The following LCOR variants were observed in gnomAD, a reference collection of about 807,000 sequenced individuals.
LCOR encodes the protein ligand-dependent corepressor.
In LCOR, 14 loss-of-function variants were observed where a neutral mutation model predicts 64.4. The observed-to-expected ratio is 0.22, with a 90% CI of 0.14 to 0.34. LCOR has a LOEUF of 0.34. Ranked by LOEUF, LCOR falls within the 10% of genes least tolerant of loss-of-function variation. The pLI is 1.00. For missense variants in LCOR, 1,686 were observed against 1,765.3 expected, an observed-to-expected ratio of 0.96 and a Z score of 0.80; for synonymous variants, 643 against 642.5, an observed-to-expected ratio of 1.00 and a Z score of -0.01.
chr10:96,936,784 A>G (rs888379792), intron 4 of LCOR, among the ~76,000 whole-genome samples: 1 of 149,242 alleles, frequency 6.7e-6, no homozygotes, highest in Non-Finnish European at 1.5e-5. Context: ...CTTCCCCCTT[A>G]TAAGGGGGAT....
In LCOR at chr10:96,986,030, CTT is replaced by C. The variant is rs1442212609; in HGVS notation, c.*897_*898del. 4 of 166,914 alleles carry C rather than the reference CTT, an allele frequency of 2.4e-5. No homozygotes were observed. Among genetic ancestry groups the C allele is most frequent in the Non-Finnish European group, 4.4e-5 (3 of 68,096 alleles). The allele number at this position is 166,914 out of a possible 1,614,324, so 10.3% of individuals were successfully genotyped here. A position where few individuals can be genotyped will look rare whatever the true frequency, so the allele number is the denominator to read the frequency against. On this transcript the variant is annotated 3_prime_UTR_variant, in exon 8 of 8. Transcript: ENST00000421806. ...TTTGATGATTAGGATGAAAATGACT[CTT>C]ATTTTCTTTCTTACCCAGAGTACTT...
intron 7 of LCOR, chr10:96,964,110 A>C (rs1412330729): frequency 5.3e-5 from 8 of 152,172 alleles, no homozygotes; most frequent in Non-Finnish European, 7.4e-5. Flanking sequence ...ACTTATGATC[A>C]CAAATTAAGT....
chr10:96,951,218 CA>C (rs1847672690), intron 6 of LCOR, among the ~76,000 whole-genome samples: 7 of 152,036 alleles, frequency 4.6e-5, no homozygotes, highest in Admixed American at 4.6e-4. Context: ...CCAGGTATTT[CA>C]ACAAGGAGAA....
Position 96,984,744 on chromosome 10 carries a change from C to T in LCOR, c.4284C>T (p.Ala1428=). 1.9e-6 allele frequency: 3 copies of T among 1,613,592 alleles called. No individual in the cohort carries two copies. The highest frequency in any genetic ancestry group is 2.5e-6 in the Non-Finnish European group (3 of 1,179,906). ...GCAAAGAAAAGCATGCTGATGGAGCCACCAAAACCCCTGCTGCCAAGAGGC... is the reference window on the plus strand; with the variant it reads ...GCAAAGAAAAGCATGCTGATGGAGCTACCAAAACCCCTGCTGCCAAGAGGC... ...KASKEKHADG[A]TKTPAAKRPA... is the part of the protein sequence containing the mutation. Residue 1428 remains alanine (A), a synonymous_variant, in exon 8 of 8, where the codon GCC becomes GCT. Coordinates refer to ENST00000421806, the MANE Select transcript of LCOR (RefSeq NM_001346516.2).
intron 7 of LCOR, among the ~76,000 whole-genome samples, chr10:96,979,635 A>G (rs1017049133): frequency 2.6e-5 from 4 of 152,204 alleles, no homozygotes; most frequent in South Asian, 2.1e-4. Flanking sequence ...ATAAAGATAC[A>G]ATACTACTAC....
chr10:96,938,146 C>T (rs986758491), intron 4 of LCOR, among the ~76,000 whole-genome samples: 3 of 151,500 alleles, frequency 2.0e-5, no homozygotes, highest in South Asian at 4.2e-4. Flanking sequence ...TTTGTAGAGA[C>T]GGGGGTCTCC....
At chr10:96,958,209 C>T in intron 7 of LCOR, 1 of 1,289,522 alleles carries the variant, frequency 7.8e-7, no homozygotes, top group Admixed American at 3.5e-5. Flanking sequence ...GCTTTTATCC[C>T]CTCTCAGAAA....
chr10:96,908,812 T>G (rs1228373994), intron 4 of LCOR, among the ~76,000 whole-genome samples: 1 of 151,972 alleles, frequency 6.6e-6, no homozygotes, highest in Admixed American at 6.6e-5. Flanking sequence ...CCCCTCCGGG[T>G]TTACGCCATT....
intron 7 of LCOR, chr10:96,958,920 A>AC (rs1847828306): frequency 6.6e-6 from 1 of 152,152 alleles, no homozygotes; most frequent in African/African-American, 2.4e-5. Context: ...AAAAAAAAAA[A>AC]AAAAAAACAA....
At chr10:96,833,525 C>G (rs1292433488) in intron 2 of LCOR, 46 bp downstream of exon 2, 3 of 821,498 alleles carry the variant, frequency 3.7e-6, no homozygotes, top group Admixed American at 6.2e-5. Context: ...CGCCCCCTAG[C>G]CCCAGTCCAT....
At chr10:96,854,898 A>G (rs1413773635) in intron 2 of LCOR, among the ~76,000 whole-genome samples, 3 of 152,088 alleles carry the variant, frequency 2.0e-5, no homozygotes, top group Admixed American at 6.6e-5. Flanking sequence ...TATTTTGGGG[A>G]AAAATTATAT....
At chr10:96,907,628 A>G (rs61130250) in intron 3 of LCOR, 40 bp from the exon 4 acceptor site, 14 of 754,922 alleles carry the variant, frequency 1.9e-5, no homozygotes, top group Non-Finnish European at 2.1e-5. Context: ...TTTCCTAAAA[A>G]TTCTCTTTTA....
intron 4 of LCOR, among the ~76,000 whole-genome samples, chr10:96,930,367 T>C (rs1033894852): frequency 6.6e-6 from 1 of 152,240 alleles, no homozygotes; most frequent in Non-Finnish European, 1.5e-5. Flanking sequence ...TCTTTGATCT[T>C]TCTTTATAAA....
intron 2 of LCOR, among the ~76,000 whole-genome samples, chr10:96,887,390 C>T (rs773826653): frequency 1.1e-3 from 162 of 152,008 alleles, no homozygotes; most frequent in Non-Finnish European, 1.6e-3. Context: ...GGTGAAACCC[C>T]GTCTCTACTA....
chr10:96,981,587 C>A lies in LCOR; in HGVS notation c.1127C>A (p.Pro376His), dbSNP rs1439426508. ...AATACTTTACAGTGTCCAAAAACAC[C>A]TTTGCGCCAGGATTTAGAGGCAAAT... is the stretch of plus-strand genomic sequence containing the variant. ...KENTLQCPKT[P>H]LRQDLEANEQ... The change falls in exon 8 of 8, where the codon CCT (proline) becomes CAT (histidine). Residue 376 changes from proline (P) to histidine (H), a missense_variant. Around this residue, in one of 3 missense-constraint regions of LCOR, gnomAD observed 313 missense variants for 247.2 expected, o/e 1.27. Coordinates refer to ENST00000421806, the MANE Select transcript of LCOR (RefSeq NM_001346516.2). The A allele has an allele frequency of 6.2e-7, 1 of 1,614,208 alleles. No individual in the cohort carries two copies. Among genetic ancestry groups the A allele is most frequent in the Non-Finnish European group, 8.5e-7 (1 of 1,180,036 alleles).
chr10:96,941,210 C>A (rs1220201507), intron 4 of LCOR, among the ~76,000 whole-genome samples: 2 of 140,860 alleles, frequency 1.4e-5, no homozygotes, highest in African/African-American at 5.4e-5. Flanking sequence ...ACCTCCCTCC[C>A]GGACGGGGCG....
chr10:96,950,535 A>G (rs1847660623), intron 6 of LCOR, among the ~76,000 whole-genome samples: 1 of 152,124 alleles, frequency 6.6e-6, no homozygotes. Flanking sequence ...ATAATATTTA[A>G]AGTATTAATG....
intron 4 of LCOR, among the ~76,000 whole-genome samples, chr10:96,941,511 C>T (rs1216466651): frequency 8.4e-5 from 11 of 130,252 alleles, no homozygotes; most frequent in African/African-American, 2.1e-4. Flanking sequence ...CCTCACCTCC[C>T]GGACGGGGCG....
At chr10:96,876,802 C>T (rs1302950948) in intron 2 of LCOR, among the ~76,000 whole-genome samples, 1 of 152,104 alleles carries the variant, frequency 6.6e-6, no homozygotes, top group Non-Finnish European at 1.5e-5. Flanking sequence ...GATTCTCCTG[C>T]CTCAGGCCTC....
Sources: allele counts gnomAD v4.1 joint callset (sites outside exome capture counted in the v4.1 genomes callset), GRCh38; gene constraint gnomAD v4.1.1; regional missense constraint gnomAD v4.1.1; transcripts MANE v1.5; gene names NCBI Gene and HGNC (gene_info 2026-07-23, HGNC 2026-07-21).